Variants in FAM171A1 observed in about 807,000 individuals in gnomAD.
The protein encoded by FAM171A1 is protein FAM171A1.
Under a neutral mutation model 74.9 loss-of-function variants are expected in FAM171A1, and 23 were observed. That is an observed-to-expected ratio of 0.31 (90% CI 0.22 to 0.44). FAM171A1 has a LOEUF of 0.44. Ranked by LOEUF, FAM171A1 falls within the 20% of genes least tolerant of loss-of-function variation. The probability of loss-of-function intolerance (pLI) is 1.00; values close to 1 mark genes in which losing one functional copy is unlikely to be tolerated. For synonymous variants in FAM171A1, 527 were observed against 505.7 expected (o/e 1.04, Z -0.57); for missense variants, 1,162 against 1,159.2 (o/e 1.00, Z -0.03).
chr10:15,259,737 C>G (rs1051182486), intron 3 of FAM171A1, among the ~76,000 whole-genome samples: 5 of 151,958 alleles, frequency 3.3e-5, no homozygotes, highest in African/African-American at 1.2e-4. Context: ...CACACCATGC[C>G]TACCTCAAAA....
chr10:15,278,553 G>C (rs1834924485), intron 2 of FAM171A1, among the ~76,000 whole-genome samples: 1 of 152,186 alleles, frequency 6.6e-6, no homozygotes, highest in African/African-American at 2.4e-5. Context: ...TCTATATGAG[G>C]GAATATTATT....
intron 5 of FAM171A1, among the ~76,000 whole-genome samples, chr10:15,243,968 T>G (rs1204369415): frequency 6.6e-6 from 1 of 152,200 alleles, no homozygotes; most frequent in Non-Finnish European, 1.5e-5. Flanking sequence ...GCCAGGATGG[T>G]CTTGATCTCC....
intron 5 of FAM171A1, among the ~76,000 whole-genome samples, chr10:15,228,503 T>C (rs1834138921): frequency 1.3e-5 from 2 of 151,984 alleles, no homozygotes; most frequent in Middle Eastern, 3.4e-3. Flanking sequence ...CCACCACATC[T>C]GGCTGATTTT....
chr10:15,284,246 G>A (rs1249084105), intron 1 of FAM171A1, 141 bp from the exon 2 acceptor site: 2 of 738,104 alleles, frequency 2.7e-6, no homozygotes, highest in African/African-American at 3.5e-5. Context: ...GTTTTTACCA[G>A]AGACATTTTC....
At chr10:15,308,320 T>C (rs1429570864) in intron 1 of FAM171A1, among the ~76,000 whole-genome samples, 1 of 152,130 alleles carries the variant, frequency 6.6e-6, no homozygotes, top group East Asian at 1.9e-4. Context: ...TGCTACCTCA[T>C]TGTGAAAATT....
intron 1 of FAM171A1, among the ~76,000 whole-genome samples, chr10:15,309,590 T>C (rs541016547): frequency 7.4e-4 from 113 of 152,390 alleles, no homozygotes; most frequent in Admixed American, 3.1e-3. Context: ...ATTTAAAAGC[T>C]ATGTAAAGCA....
At chr10:15,366,868 G>A (rs1836069081) in intron 1 of FAM171A1, among the ~76,000 whole-genome samples, 1 of 152,180 alleles carries the variant, frequency 6.6e-6, no homozygotes, top group African/African-American at 2.4e-5. Flanking sequence ...GATTTACTGA[G>A]ATGTCAGTAA....
intron 2 of FAM171A1, among the ~76,000 whole-genome samples, chr10:15,278,262 T>C (rs144360722): frequency 2.6e-5 from 4 of 152,308 alleles, no homozygotes; most frequent in Non-Finnish European, 5.9e-5. Flanking sequence ...TTGAAACAAG[T>C]AGCTGTACGA....
At chr10:15,300,253 A>G (rs1028303972) in intron 1 of FAM171A1, among the ~76,000 whole-genome samples, 1 of 152,214 alleles carries the variant, frequency 6.6e-6, no homozygotes, top group African/African-American at 2.4e-5. Context: ...TTTAGCATTT[A>G]CATTACAAAT....
At chr10:15,346,831 T>C (rs889020861) in intron 1 of FAM171A1, among the ~76,000 whole-genome samples, 2 of 152,220 alleles carry the variant, frequency 1.3e-5, no homozygotes, top group African/African-American at 4.8e-5. Context: ...TCTGAGATTC[T>C]GCAAGCAGCT....
chr10:15,337,091 G>A (rs1471326156), intron 1 of FAM171A1, among the ~76,000 whole-genome samples: 1 of 150,534 alleles, frequency 6.6e-6, no homozygotes, highest in Non-Finnish European at 1.5e-5. Flanking sequence ...ATGTTGCCCA[G>A]AATGGCCTTG....
chr10:15,367,434 A>G (rs757033380), intron 1 of FAM171A1, among the ~76,000 whole-genome samples: 1 of 152,226 alleles, frequency 6.6e-6, no homozygotes, highest in Non-Finnish European at 1.5e-5. Flanking sequence ...TTGCTCCTGC[A>G]TAAAGCCCTC....
At chr10:15,357,459 A>G (rs12264469) in intron 1 of FAM171A1, among the ~76,000 whole-genome samples, 16,907 of 152,200 alleles carry the variant, frequency 0.11, 974 homozygotes, top group Middle Eastern at 0.17. Context: ...GTTGCCCTGA[A>G]GAGTAGAGGC....
At position 15,344,176 on chromosome 10, in the gene FAM171A1, TA is replaced by T. The variant is rs202162005; in HGVS notation, c.97+26779del. On this transcript the variant is annotated intron_variant, in intron 1 of 7. Transcript: ENST00000378116. Reference sequence around the variant, plus strand: ...AAAAGTTTAGGGTTGAGAAGTTTGCTAAAAGTGCTGAGATTTAAATTGGCAA... The same window carrying T: ...AAAAGTTTAGGGTTGAGAAGTTTGCTAAAGTGCTGAGATTTAAATTGGCAA... Among the ~76,000 whole-genome samples, 557 of 152,300 alleles carry T rather than the reference TA, an allele frequency of 3.7e-3. 7 individuals are homozygous for T. The highest frequency in any genetic ancestry group is 0.012 in the African/African-American group (516 of 41,564).
At chr10:15,264,088 C>T (rs1193286598) in intron 3 of FAM171A1, among the ~76,000 whole-genome samples, 1 of 151,956 alleles carries the variant, frequency 6.6e-6, no homozygotes, top group Non-Finnish European at 1.5e-5. Context: ...AAGAGATTCT[C>T]CCACTTCAGC....
chr10:15,282,615 T>C (rs1268634229), intron 2 of FAM171A1, among the ~76,000 whole-genome samples: 1 of 152,220 alleles, frequency 6.6e-6, no homozygotes, highest in Non-Finnish European at 1.5e-5. Flanking sequence ...GTAGCTGTTC[T>C]CCTGAAACAG....
At chr10:15,260,695 G>C (rs972406188) in intron 3 of FAM171A1, among the ~76,000 whole-genome samples, 3 of 152,180 alleles carry the variant, frequency 2.0e-5, no homozygotes, top group African/African-American at 7.2e-5. Flanking sequence ...GTAATGCTCT[G>C]TCTCCATTCC....
intron 4 of FAM171A1, among the ~76,000 whole-genome samples, chr10:15,250,686 G>A (rs2131761300): frequency 6.6e-6 from 1 of 152,276 alleles, no homozygotes; most frequent in African/African-American, 2.4e-5. Context: ...CTTGAGCCTG[G>A]GAAGTGAAGG....
chr10:15,222,069 G>A (rs1834045435), intron 5 of FAM171A1, among the ~76,000 whole-genome samples: 1 of 152,140 alleles, frequency 6.6e-6, no homozygotes, highest in Admixed American at 6.5e-5. Flanking sequence ...TGGGCAGAAG[G>A]CCAGGGAGAG....
Sources: gnomAD v4.1 joint callset for allele counts (sites outside exome capture counted in the v4.1 genomes callset) on GRCh38, gnomAD v4.1.1 for gene constraint, MANE v1.5 for transcripts, NCBI Gene and HGNC (gene_info 2026-07-23, HGNC 2026-07-21) for gene names.